Variants in OPTN observed in about 807,000 individuals in gnomAD.
OPTN encodes E3-14.7K-interacting protein.
Under a neutral mutation model 70.4 loss-of-function variants are expected in OPTN, and 54 were observed. The ratio of observed to expected loss-of-function variants is 0.77; its 90% confidence interval spans 0.62 to 0.96. The LOEUF is 0.96. OPTN is among the 40% of genes least tolerant of loss of function. The pLI, the probability that OPTN is intolerant of heterozygous loss-of-function variation, is 0.00. For missense variants in OPTN, 624 were observed against 673.2 expected, an observed-to-expected ratio of 0.93 and a Z score of 0.81; for synonymous variants, 256 against 248.5, an observed-to-expected ratio of 1.03 and a Z score of -0.28.
At position 13,114,792 on chromosome 10, in the gene OPTN, AATTATATATACATATATATAAT is replaced by A. The variant is rs1564358710; in HGVS notation, c.553-1474_553-1453del. On this transcript the variant is annotated intron_variant, in intron 5 of 14. Coordinates refer to ENST00000378747, the MANE Select transcript of OPTN (RefSeq NM_001008212.2). Reference sequence around the variant, plus strand: ...TAATTATATAATTATATAATTATATAATTATATATACATATATATAATTATATAATTATATAATTATATAATT... The same window carrying A: ...TAATTATATAATTATATAATTATATATATATAATTATATAATTATATAATT... Among the ~76,000 whole-genome samples, 201 of 104,070 alleles carry A rather than the reference AATTATATATACATATATATAAT, an allele frequency of 1.9e-3. 5 individuals carry two copies. Among genetic ancestry groups the A allele is most frequent in the African/African-American group, 7.1e-3 (189 of 26,658 alleles). 68.3% of individuals were successfully genotyped at this position (104,070 alleles called of 152,430 possible).
chr10:13,102,929 T>G (rs1832781451), intron 1 of OPTN, among the ~76,000 whole-genome samples: 1 of 147,866 alleles, frequency 6.8e-6, no homozygotes, highest in South Asian at 2.2e-4. Context: ...GGCGACAGAG[T>G]GAGACTGAGT....
intron 13 of OPTN, 99 bp downstream of exon 13, chr10:13,132,296 T>C (rs1564368891): frequency 7.2e-7 from 1 of 1,384,622 alleles, no homozygotes; most frequent in Admixed American, 1.8e-5. Context: ...TAAGAATAGC[T>C]GTGTTCGCGC....
chr10:13,107,838 T>C (rs925408773), intron 1 of OPTN, among the ~76,000 whole-genome samples: 2 of 152,160 alleles, frequency 1.3e-5, no homozygotes, highest in African/African-American at 4.8e-5. Flanking sequence ...TATGTATTGC[T>C]TTATAATCTA....
chr10:13,122,115 TGCATAGGACA>T (rs1833364117), intron 7 of OPTN, among the ~76,000 whole-genome samples: 2 of 152,252 alleles, frequency 1.3e-5, no homozygotes, highest in South Asian at 4.1e-4. Context: ...AAAACATTGC[TGCATAGGACA>T]GTTGCATGGA....
At chr10:13,124,637 T>C (rs1314086157) in intron 9 of OPTN, among the ~76,000 whole-genome samples, 2 of 152,238 alleles carry the variant, frequency 1.3e-5, no homozygotes, top group Non-Finnish European at 2.9e-5. Flanking sequence ...TTGGATTCAT[T>C]GGCAAACATG....
In OPTN at chr10:13,115,503, A is replaced by G. The variant is rs192898585; in HGVS notation, c.553-764A>G. ...TAATATATTCTATATTATATAATAT[A>G]GAATATATATAATATATTCTATAAT... On this transcript the variant is annotated intron_variant, in intron 5 of 14. Transcript: ENST00000378747. Among the ~76,000 whole-genome samples, 345 of 105,214 alleles carry G rather than the reference A, an allele frequency of 3.3e-3. 3 individuals are homozygous for G. Among genetic ancestry groups the G allele is most frequent in the African/African-American group, 0.013 (313 of 23,764 alleles). The allele number at this position is 105,214 out of a possible 152,430, so 69.0% of individuals were successfully genotyped here.
rs774960208 is a variant in OPTN, at chr10:13,108,746, CTG to C, written c.-11-362_-11-361del. Among the ~76,000 whole-genome samples, 9 of 152,204 alleles carry C rather than the reference CTG, an allele frequency of 5.9e-5. No individual in the cohort carries two copies. In the East Asian group the frequency reaches 1.7e-3, roughly 29 times the overall value. Reference sequence around the variant, plus strand: ...TATTTTTAGTAGAGACGGGGTTTCACTGTGTTAGCCAGGATGGTCTCAATCTC... The same window carrying C: ...TATTTTTAGTAGAGACGGGGTTTCACTGTTAGCCAGGATGGTCTCAATCTC... On this transcript the variant is annotated intron_variant, in intron 2 of 14. Coordinates refer to ENST00000378747, the MANE Select transcript of OPTN (RefSeq NM_001008212.2).
At chr10:13,116,535 G>GCAA in intron 6 of OPTN, 195 bp downstream of exon 6, 1 of 644,458 alleles carries the variant, frequency 1.6e-6, no homozygotes, top group South Asian at 1.7e-5. Context: ...AAAACTGTTT[G>GCAA]GTTCCTGTTT....
intron 12 of OPTN, among the ~76,000 whole-genome samples, chr10:13,128,393 G>A (rs992624899): frequency 1.3e-5 from 2 of 149,908 alleles, no homozygotes; most frequent in Non-Finnish European, 2.9e-5. Context: ...GTATATAGTG[G>A]TATCTCATTT....
At chr10:13,116,124 T>C (rs1833202352) in intron 5 of OPTN, 143 bp from the exon 6 acceptor site, 2 of 699,824 alleles carry the variant, frequency 2.9e-6, no homozygotes, top group East Asian at 2.7e-5. Context: ...AGCCACCCCG[T>C]TTAAACAGTG....
chr10:13,133,414 T>TC, intron 13 of OPTN, 88 bp from the exon 14 acceptor site: 1 of 1,161,518 alleles, frequency 8.6e-7, no homozygotes, highest in Non-Finnish European at 1.3e-6. Flanking sequence ...GAGTCTTTTT[T>TC]CCCCTACTTC....
At chr10:13,136,395 C>G (rs1005054729) in intron 14 of OPTN, among the ~76,000 whole-genome samples, 3 of 148,996 alleles carry the variant, frequency 2.0e-5, no homozygotes. Flanking sequence ...GTGATCCCAG[C>G]TACTCAGGAG....
Position 13,127,924 on chromosome 10 carries a change from C to G in OPTN, c.1401+21C>G, listed in dbSNP as rs553828705. 78 of 1,613,812 alleles carry G rather than the reference C, an allele frequency of 4.8e-5. No homozygotes were observed. In the East Asian group the frequency reaches 1.5e-3, roughly 31 times the overall value. Reference sequence around the variant, plus strand: ...CTCAGGTGAGGCACCTTCCAAAACCCCAGCTGAGCGAGGCCAGCCCTGACT... The same window carrying G: ...CTCAGGTGAGGCACCTTCCAAAACCGCAGCTGAGCGAGGCCAGCCCTGACT... On this transcript the variant is annotated intron_variant, in intron 12 of 14. Coordinates refer to ENST00000378747, the MANE Select transcript of OPTN (RefSeq NM_001008212.2).
chr10:13,116,195 T>G, intron 5 of OPTN, 72 bp from the exon 6 acceptor site: 1 of 1,075,316 alleles, frequency 9.3e-7, no homozygotes, highest in Non-Finnish European at 1.4e-6. Flanking sequence ...TCTTTTGTCT[T>G]TTTCTTCTTT....
intron 1 of OPTN, chr10:13,104,568 T>A (rs551451955): frequency 5.0e-5 from 31 of 620,522 alleles, no homozygotes; most frequent in South Asian, 4.4e-4. Context: ...ACAGCCATTT[T>A]TTATACTCAT....
chr10:13,109,480 T>G (rs1215303952), intron 3 of OPTN, 192 bp downstream of exon 3: 6 of 595,774 alleles, frequency 1.0e-5, no homozygotes, highest in Non-Finnish European at 1.8e-5. Context: ...CAGGTACAAG[T>G]AAAAACTGTG....
In OPTN at chr10:13,137,183, G is replaced by T; in HGVS notation, c.*317G>T. The T allele has an allele frequency of 2.3e-6, 1 of 425,966 alleles. No individual in the cohort carries two copies. Among genetic ancestry groups the T allele is most frequent in the East Asian group, 4.3e-5 (1 of 23,360 alleles). The allele number at this position is 425,966 out of a possible 1,614,324, so 26.4% of individuals were successfully genotyped here. The stretch of plus-strand genomic sequence containing the variant: ...AGTCGCAGCTACTCGCGAGGTTGAG[G>T]CAGGAGAATTGCTTGAACCCAGGAA... On this transcript the variant is annotated 3_prime_UTR_variant, in exon 15 of 15. Transcript: ENST00000378747.
At chr10:13,132,287 A>G (rs1408212378) in intron 13 of OPTN, 90 bp downstream of exon 13, 2 of 1,500,020 alleles carry the variant, frequency 1.3e-6, no homozygotes, top group Middle Eastern at 3.9e-4. Flanking sequence ...TTTGAACTAT[A>G]AGAATAGCTG....
rs369585614 is a variant in OPTN at position 13,118,905 on chromosome 10, G to A, written c.644G>A (p.Arg215Lys). The change falls in exon 7 of 15, where the codon AGG (arginine) becomes AAG (lysine). Residue 215 changes from arginine (R) to lysine (K), a missense_variant. Physicochemically the swap from Arg to Lys is conservative, Grantham distance 26. Transcript: ENST00000378747. ...CTGAACAGGGCATTGTCTAAATATA[G>A]GAGCAGATCTGCAGATGGGGCCAAG... ...VSTGTALSKY[R>K]SRSADGAKNY... 1.1e-5 allele frequency: 17 copies of A among 1,614,006 alleles called. No homozygotes were observed. Among genetic ancestry groups the A allele is most frequent in the Admixed American group, 1.7e-5 (1 of 60,008 alleles).
Sources: allele counts gnomAD v4.1 joint callset (sites outside exome capture counted in the v4.1 genomes callset), GRCh38; gene constraint gnomAD v4.1.1; transcripts MANE v1.5; gene names NCBI Gene and HGNC (gene_info 2026-07-23, HGNC 2026-07-21).